The following FBXO24 variants were observed in gnomAD, a reference collection of about 807,000 sequenced individuals.
FBXO24 encodes F-box only protein 24.
A neutral mutation model predicts 63.5 loss-of-function variants in FBXO24; 30 were observed. That is an observed-to-expected ratio of 0.47 (90% CI 0.35 to 0.64). The LOEUF is 0.64. Among genes scored for constraint, FBXO24 ranks in the 30% least tolerant of loss-of-function variants. The pLI, the probability that FBXO24 is intolerant of heterozygous loss-of-function variation, is 0.00. For synonymous variants in FBXO24, 300 were observed against 305.0 expected (o/e 0.98, Z 0.17); for missense variants, 624 against 763.4 (o/e 0.82, Z 2.15).
At chr7:100,599,912 G>A (rs1802503324) in intron 8 of FBXO24, 119 bp from the exon 9 acceptor site, 12 of 1,157,040 alleles carry the variant, frequency 1.0e-5, no homozygotes, top group Admixed American at 2.1e-5. Context: ...GACAGTGCTG[G>A]CTCCCATTTC....
intron 1 of FBXO24, among the ~76,000 whole-genome samples, chr7:100,589,139 C>A (rs1801880794): frequency 6.6e-6 from 1 of 152,138 alleles, no homozygotes; most frequent in South Asian, 2.1e-4. Flanking sequence ...GCTGCAGTCT[C>A]CTTTTGGATG....
At chr7:100,586,797 G>A in intron 1 of FBXO24, 133 bp downstream of exon 1, 1 of 994,656 alleles carries the variant, frequency 1.0e-6, no homozygotes, top group Non-Finnish European at 1.6e-6. Flanking sequence ...AGGGCTTGAG[G>A]GGATTCGGGC....
At position 100,601,005 on chromosome 7, in the gene FBXO24, G is replaced by C. The variant is rs899868822; in HGVS notation, c.*106G>C. On this transcript the variant is annotated 3_prime_UTR_variant, in exon 10 of 10. Coordinates refer to ENST00000241071, the MANE Select transcript of FBXO24 (RefSeq NM_033506.3). ...ATGCGTGTGGGAAGGGGTTGCTAGG[G>C]GGTGGGGACGGCTAACCAGGGTAAG... 2.7e-6 allele frequency: 4 copies of C among 1,472,812 alleles called. No homozygotes were observed. In the African/African-American group the frequency reaches 5.6e-5, roughly 21 times the overall value. 91.2% of individuals were successfully genotyped at this position (1,472,812 alleles called of 1,614,324 possible). A position where few individuals can be genotyped will look rare whatever the true frequency, so the allele number is the denominator to read the frequency against.
Position 100,600,234 on chromosome 7 carries a change from G to A in FBXO24, c.1377+33G>A. On this transcript the variant is annotated intron_variant, in intron 9 of 9. Transcript: ENST00000241071. The surrounding 1 kb of genome is among the most constrained non-coding windows in gnomAD (Gnocchi z 6.3). The stretch of plus-strand genomic sequence containing the variant: ...CGGGGTCAGGAGAGTGGGCACCCAG[G>A]GAGGATGAGAGCCATGAACCAGGAA... 1 of 1,489,560 alleles carries A rather than the reference G, an allele frequency of 6.7e-7. No homozygotes were observed. The highest frequency in any genetic ancestry group is 2.5e-5 in the East Asian group (1 of 40,464). The allele number at this position is 1,489,560 out of a possible 1,614,324, so 92.3% of individuals were successfully genotyped here.
At chr7:100,589,861 A>G in intron 1 of FBXO24, 116 bp from the exon 2 acceptor site, 1 of 1,545,302 alleles carries the variant, frequency 6.5e-7, no homozygotes, top group Non-Finnish European at 8.7e-7. Context: ...GTCTGGAGAG[A>G]GAGGGGAGGA....
At chr7:100,599,567 CAAA>C (rs559340460) in intron 8 of FBXO24, 21 of 104,082 alleles carry the variant, frequency 2.0e-4, no homozygotes, top group South Asian at 7.2e-4. Flanking sequence ...CTGTCTCAAA[CAAA>C]AAAAAAAAAA....
At chr7:100,597,925 A>G (rs1389688144) in intron 8 of FBXO24, among the ~76,000 whole-genome samples, 2 of 133,714 alleles carry the variant, frequency 1.5e-5, no homozygotes, top group African/African-American at 5.6e-5. Flanking sequence ...GGGTCTTGCT[A>G]TGTTGCCCAA....
intron 1 of FBXO24, chr7:100,589,625 A>G (rs1434736840): frequency 6.8e-7 from 1 of 1,467,460 alleles, no homozygotes; most frequent in Admixed American, 2.6e-5. Context: ...AGGTCCCCCA[A>G]GCCTAGGCTG....
At chr7:100,598,441 T>TGAGA (rs1447265447) in intron 8 of FBXO24, among the ~76,000 whole-genome samples, 1 of 152,162 alleles carries the variant, frequency 6.6e-6, no homozygotes, top group Non-Finnish European at 1.5e-5. Context: ...ATTTAGCCAC[T>TGAGA]GAGAGGCCAA....
intron 1 of FBXO24, chr7:100,589,449 G>C: frequency 8.0e-7 from 1 of 1,248,838 alleles, no homozygotes; most frequent in Non-Finnish European, 1.0e-6. Flanking sequence ...TATCCCTTGA[G>C]CCATGTGATG....
In FBXO24 at chr7:100,590,067, C is replaced by G. The variant is rs199592292; in HGVS notation, c.130C>G (p.Pro44Ala). Residue 44 changes from proline (P) to alanine (A), a missense_variant, in exon 2 of 10, where the codon CCA (proline) becomes GCA (alanine). Around this residue, in one of 3 missense-constraint regions of FBXO24, gnomAD observed 391 missense variants for 469.1 expected, o/e 0.83. Transcript: ENST00000241071. ...TCCGATTTCCATCCAGTTGTTCCCC[C>G]CAGAGCTGGTGAGTCCTTGGGGAGG... ...GNPISIQLFPPELVEHIISFL... is the reference protein window; with the variant it reads ...GNPISIQLFPAELVEHIISFL... The G allele has an allele frequency of 1.3e-5, 21 of 1,613,006 alleles. No homozygotes were observed. The highest frequency in any genetic ancestry group is 1.5e-5 in the Non-Finnish European group (18 of 1,179,544).
At chr7:100,595,824 A>C in intron 8 of FBXO24, 118 bp downstream of exon 8, 1 of 1,407,424 alleles carries the variant, frequency 7.1e-7, no homozygotes, top group Non-Finnish European at 9.6e-7. Context: ...TGGGAAGTTA[A>C]GCCACTCAGT....
In FBXO24 at chr7:100,601,013, A is replaced by T. The variant is rs1271718849; in HGVS notation, c.*114A>T. 6.9e-7 allele frequency: 1 copy of T among 1,444,906 alleles called. No individual in the cohort carries two copies. The highest frequency in any genetic ancestry group is 9.2e-7 in the Non-Finnish European group (1 of 1,086,634). 89.5% of individuals were successfully genotyped at this position (1,444,906 alleles called of 1,614,324 possible). ...GGGAAGGGGTTGCTAGGGGGTGGGG[A>T]CGGCTAACCAGGGTAAGAATGTTCA... is the stretch of plus-strand genomic sequence containing the variant. On this transcript the variant is annotated 3_prime_UTR_variant, in exon 10 of 10. Coordinates refer to ENST00000241071, the MANE Select transcript of FBXO24 (RefSeq NM_033506.3).
Position 100,600,985 on chromosome 7 carries a change from T to A in FBXO24, c.*86T>A, listed in dbSNP as rs1802582762. On this transcript the variant is annotated 3_prime_UTR_variant, in exon 10 of 10. Coordinates refer to ENST00000241071, the MANE Select transcript of FBXO24 (RefSeq NM_033506.3). This position sits in a 1 kb window ranked among gnomAD's most constrained non-coding sequence, Gnocchi z 6.3. ...GAGCAATGACCATTGTGCACATGCG[T>A]GTGGGAAGGGGTTGCTAGGGGGTGG... 7 of 1,516,496 alleles carry A rather than the reference T, an allele frequency of 4.6e-6. No homozygotes were observed. Among genetic ancestry groups the A allele is most frequent in the Non-Finnish European group, 5.3e-6 (6 of 1,136,580 alleles). 93.9% of individuals were successfully genotyped at this position (1,516,496 alleles called of 1,614,324 possible). A position where few individuals can be genotyped will look rare whatever the true frequency, so the allele number is the denominator to read the frequency against.
chr7:100,587,138 G>T (rs116175086), intron 1 of FBXO24, among the ~76,000 whole-genome samples: 2 of 152,342 alleles, frequency 1.3e-5, no homozygotes, highest in African/African-American at 4.8e-5. Flanking sequence ...TGATGCGTTA[G>T]CAAGAGCGAA....
chr7:100,591,245 C>A (rs1562816595), intron 3 of FBXO24, among the ~76,000 whole-genome samples: 1 of 151,856 alleles, frequency 6.6e-6, no homozygotes, highest in Non-Finnish European at 1.5e-5. Flanking sequence ...CCACGTTGCC[C>A]AGGCTGGTCT....
Position 100,586,702 on chromosome 7 carries a change from G to T in FBXO24, c.39+38G>T, listed in dbSNP as rs367682369. The T allele has an allele frequency of 2.5e-5, 40 of 1,612,716 alleles. No homozygotes were observed. In the African/African-American group the frequency reaches 4.0e-4, roughly 16 times the overall value. On this transcript the variant is annotated intron_variant, in intron 1 of 9. Transcript: ENST00000241071. ...TTTAAGACTGAGGTTAAGAATGAACGCGGAGCCCCTGGCCGGCCGGGAACG... is the reference window on the plus strand; with the variant it reads ...TTTAAGACTGAGGTTAAGAATGAACTCGGAGCCCCTGGCCGGCCGGGAACG...
intron 1 of FBXO24, 169 bp from the exon 2 acceptor site, chr7:100,589,808 C>A (rs1332624702): frequency 2.0e-6 from 3 of 1,514,740 alleles, no homozygotes; most frequent in Admixed American, 4.3e-5. Context: ...GGGGGATTGG[C>A]CGCAGGAGAT....
At chr7:100,595,026 T>A in intron 6 of FBXO24, 76 bp from the exon 7 acceptor site, 2 of 1,586,170 alleles carry the variant, frequency 1.3e-6, no homozygotes, top group Non-Finnish European at 1.7e-6. Context: ...ATCTTGTAGC[T>A]TTCATCCCAG....
Sources: allele counts gnomAD v4.1 joint callset (sites outside exome capture counted in the v4.1 genomes callset), GRCh38; gene constraint gnomAD v4.1.1; regional missense constraint gnomAD v4.1.1; non-coding constraint Gnocchi (gnomAD v3.1); transcripts MANE v1.5; gene names NCBI Gene and HGNC (gene_info 2026-07-23, HGNC 2026-07-21).